The following CDC42SE2 variants were observed in gnomAD, a reference collection of about 807,000 sequenced individuals.
CDC42SE2 encodes the protein CDC42 small effector protein 2.
Under a neutral mutation model 11.5 loss-of-function variants are expected in CDC42SE2, and 3 were observed. The observed-to-expected ratio is 0.26, with a 90% CI of 0.12 to 0.67. The LOEUF (loss-of-function observed/expected upper bound fraction) is 0.67. Ranked by LOEUF, CDC42SE2 falls within the 30% of genes least tolerant of loss-of-function variation. The pLI is 0.80. For missense variants in CDC42SE2, 82 were observed against 106.8 expected (o/e 0.77, Z 1.02); for synonymous variants, 33 against 34.8 (o/e 0.95, Z 0.18).
chr5:131,361,657 A>G (rs1397699962), intron 3 of CDC42SE2, among the ~76,000 whole-genome samples: 1 of 152,190 alleles, frequency 6.6e-6, no homozygotes, highest in Non-Finnish European at 1.5e-5. Context: ...TTGGTGTGCT[A>G]GAAGAATTGG....
intron 1 of CDC42SE2, among the ~76,000 whole-genome samples, chr5:131,302,587 A>G (rs1757706997): frequency 6.6e-6 from 1 of 152,108 alleles, no homozygotes; most frequent in African/African-American, 2.4e-5. Flanking sequence ...AAGTTCTGGG[A>G]TTACAGGCCT....
rs554368683 is a variant in CDC42SE2, at chr5:131,345,971, G to A, written c.-285-13238G>A. Among the ~76,000 whole-genome samples, 6 of 152,182 alleles carry A rather than the reference G, an allele frequency of 3.9e-5. No homozygotes were observed. The South Asian group carries it at 1.2e-3, about 32-fold the overall frequency. On this transcript the variant is annotated intron_variant, in intron 2 of 4. Transcript: ENST00000505065. ...TGCTGAGAGATTTTGTCACCACCAG[G>A]CCTCCCTTACAAGAGCTCCTGAAGG...
chr5:131,215,226 G>A, the CDC42SE2 span, among the ~76,000 whole-genome samples: 13 of 152,292 alleles, frequency 8.5e-5, no homozygotes, highest in African/African-American at 2.6e-4. Context: ...TCTGAACAAA[G>A]CATTGATCAT....
intron 1 of CDC42SE2, among the ~76,000 whole-genome samples, chr5:131,311,437 C>T (rs1228699853): frequency 2.0e-5 from 3 of 151,454 alleles, no homozygotes; most frequent in Non-Finnish European, 4.4e-5. Context: ...TTGCTCTTCT[C>T]AAGGAGTATC....
intron 1 of CDC42SE2, among the ~76,000 whole-genome samples, chr5:131,304,103 G>T: frequency 6.6e-6 from 1 of 151,830 alleles, no homozygotes; most frequent in East Asian, 1.9e-4. Flanking sequence ...GGGACCACAG[G>T]CATGCACCAC....
At chr5:131,223,015 C>A in the CDC42SE2 span, among the ~76,000 whole-genome samples, 3 of 152,146 alleles carry the variant, frequency 2.0e-5, no homozygotes, top group Non-Finnish European at 2.9e-5. Flanking sequence ...TCATTGGCAC[C>A]CCATCCATTT....
intron 1 of CDC42SE2, among the ~76,000 whole-genome samples, chr5:131,310,801 G>T (rs62391418): frequency 0.95 from 144,117 of 151,920 alleles, 68,428 homozygotes; most frequent in East Asian, 1. Context: ...GTTTGGTAGA[G>T]CTTCCTCCAT....
intron 2 of CDC42SE2, among the ~76,000 whole-genome samples, chr5:131,335,799 T>C (rs1227634009): frequency 6.6e-6 from 1 of 152,222 alleles, no homozygotes; most frequent in Admixed American, 6.5e-5. Flanking sequence ...ACCCCTGCCT[T>C]TTTTTGTTTT....
At chr5:131,242,422 C>A (rs532932905), upstream of CDC42SE2, among the ~76,000 whole-genome samples, 2 of 152,208 alleles carry the variant, frequency 1.3e-5, no homozygotes, top group South Asian at 4.1e-4. Flanking sequence ...CATAAGAAGT[C>A]ATTTGTTTAT....
intron 1 of CDC42SE2, among the ~76,000 whole-genome samples, chr5:131,311,731 A>G (rs374856713): frequency 3.9e-5 from 6 of 152,182 alleles, no homozygotes; most frequent in Non-Finnish European, 5.9e-5. Context: ...CCAGTTGATC[A>G]CATCGGCTCC....
At chr5:131,255,031 T>A (rs1218558348) in intron 1 of CDC42SE2, 1 of 152,108 alleles carries the variant, frequency 6.6e-6, no homozygotes, top group Non-Finnish European at 1.5e-5. Context: ...GAATGGGAAA[T>A]ATGTGTATGT....
chr5:131,311,897 C>A (rs1176355549), intron 1 of CDC42SE2, among the ~76,000 whole-genome samples: 1 of 152,126 alleles, frequency 6.6e-6, no homozygotes, highest in Non-Finnish European at 1.5e-5. Flanking sequence ...GAATGTCCTC[C>A]AGTAGCTCAG....
At chr5:131,238,049 T>C in the CDC42SE2 span, among the ~76,000 whole-genome samples, 1 of 152,084 alleles carries the variant, frequency 6.6e-6, no homozygotes. Context: ...CAGACATATA[T>C]TGGGCCTATC....
At chr5:131,279,451 TCC>T (rs35644276) in intron 1 of CDC42SE2, among the ~76,000 whole-genome samples, 4,771 of 68,944 alleles carry the variant, frequency 0.069, 240 homozygotes, top group African/African-American at 0.14. Context: ...TTCTCAGCCC[TCC>T]CCCCCCCCCT....
chr5:131,218,174 CA>C, the CDC42SE2 span, among the ~76,000 whole-genome samples: 7,790 of 74,614 alleles, frequency 0.1, 470 homozygotes, highest in African/African-American at 0.26. Context: ...GACCCTGTCT[CA>C]AAAAAAAAAA....
chr5:131,267,884 G>A (rs1258701857), intron 1 of CDC42SE2, among the ~76,000 whole-genome samples: 1 of 151,902 alleles, frequency 6.6e-6, no homozygotes, highest in African/African-American at 2.4e-5. Context: ...AAAAATGCGT[G>A]TTGGTTTTGA....
chr5:131,363,819 C>T (rs1749780611), intron 3 of CDC42SE2, among the ~76,000 whole-genome samples: 1 of 151,788 alleles, frequency 6.6e-6, no homozygotes, highest in Admixed American at 6.6e-5. Context: ...CCTCAGCCTC[C>T]CGAGTAGCTG....
intron 2 of CDC42SE2, among the ~76,000 whole-genome samples, chr5:131,320,611 G>A (rs1758166773): frequency 1.3e-5 from 2 of 151,786 alleles, no homozygotes; most frequent in Admixed American, 6.6e-5. Context: ...GCATGGTGGC[G>A]CATGCTTGTA....
intron 2 of CDC42SE2, 42 bp downstream of exon 2, chr5:131,316,186 C>T (rs183033720): frequency 1.3e-5 from 2 of 152,354 alleles, no homozygotes; most frequent in Non-Finnish European, 2.9e-5. Context: ...TAACCTAAAC[C>T]CTTTCCATAA....
Sources: allele counts gnomAD v4.1 joint callset (sites outside exome capture counted in the v4.1 genomes callset), GRCh38; gene constraint gnomAD v4.1.1; transcripts MANE v1.5; gene names NCBI Gene and HGNC (gene_info 2026-07-23, HGNC 2026-07-21).